The following CSMD1 variants were observed in gnomAD, a reference collection of about 807,000 sequenced individuals.
The protein encoded by CSMD1 is CUB and Sushi multiple domains 1.
A neutral mutation model predicts 417.5 loss-of-function variants in CSMD1; 213 were observed. That is an observed-to-expected ratio of 0.51 (90% CI 0.46 to 0.57). The LOEUF is 0.57. Ranked by LOEUF, CSMD1 falls within the 20% of genes least tolerant of loss-of-function variation. The pLI is 0.00. For missense variants in CSMD1, 6,923 were observed against 4,529.7 expected (o/e 1.53, Z -15.17); for synonymous variants, 2,862 against 1,736.8 (o/e 1.65, Z -16.11).
intron 7 of CSMD1, among the ~76,000 whole-genome samples, chr8:3,678,817 C>G (rs574748898): frequency 6.6e-6 from 1 of 152,240 alleles, no homozygotes; most frequent in East Asian, 1.9e-4. Flanking sequence ...AAGGGAAGCC[C>G]ATCAGACTAA....
chr8:4,681,328 T>C (rs908448901), intron 1 of CSMD1, among the ~76,000 whole-genome samples: 6 of 152,182 alleles, frequency 3.9e-5, no homozygotes, highest in African/African-American at 1.4e-4. Context: ...CAATATCTGA[T>C]ATAAGTGGTG....
chr8:3,327,307 TA>T (rs1409729927), intron 23 of CSMD1, among the ~76,000 whole-genome samples: 1 of 152,106 alleles, frequency 6.6e-6, no homozygotes, highest in African/African-American at 2.4e-5. Context: ...CACATCTGGC[TA>T]ATTTTTTGTA....
intron 2 of CSMD1, among the ~76,000 whole-genome samples, chr8:4,573,909 T>C (rs374769079): frequency 6.6e-6 from 1 of 152,318 alleles, no homozygotes; most frequent in South Asian, 2.1e-4. Context: ...TCCTGGCAGC[T>C]ATGTTTACAC....
intron 3 of CSMD1, among the ~76,000 whole-genome samples, chr8:4,278,588 G>C (rs1348080209): frequency 6.6e-6 from 1 of 152,128 alleles, no homozygotes; most frequent in Non-Finnish European, 1.5e-5. Flanking sequence ...CCTATTTTTA[G>C]AAAATGATTA....
At chr8:4,583,053 G>C (rs1356919979) in intron 2 of CSMD1, among the ~76,000 whole-genome samples, 5 of 152,214 alleles carry the variant, frequency 3.3e-5, no homozygotes, top group Admixed American at 1.3e-4. Context: ...CCCGGCGTTA[G>C]CTGCCTTCCC....
chr8:3,514,352 G>T (rs553891818), intron 10 of CSMD1, among the ~76,000 whole-genome samples: 32 of 152,168 alleles, frequency 2.1e-4, no homozygotes, highest in Non-Finnish European at 4.0e-4. Context: ...TGGTGATGTT[G>T]TAAGTCTTCA....
intron 3 of CSMD1, among the ~76,000 whole-genome samples, chr8:4,207,976 A>G (rs1800082660): frequency 6.6e-6 from 1 of 152,164 alleles, no homozygotes; most frequent in South Asian, 2.1e-4. Flanking sequence ...TCATTATAGC[A>G]TGAAATAGTT....
At chr8:4,754,443 A>T (rs1376037764) in intron 1 of CSMD1, among the ~76,000 whole-genome samples, 3 of 152,174 alleles carry the variant, frequency 2.0e-5, no homozygotes, top group African/African-American at 7.2e-5. Context: ...ACTAACTTGT[A>T]TACTTCCCAA....
intron 1 of CSMD1, among the ~76,000 whole-genome samples, chr8:4,897,193 G>C (rs533934332): frequency 6.6e-6 from 1 of 152,004 alleles, no homozygotes; most frequent in East Asian, 1.9e-4. Flanking sequence ...CAATGTCAGG[G>C]GAGGTAGAAT....
intron 3 of CSMD1, among the ~76,000 whole-genome samples, chr8:4,236,991 A>G (rs1802104519): frequency 6.6e-6 from 1 of 152,184 alleles, no homozygotes; most frequent in Non-Finnish European, 1.5e-5. Flanking sequence ...ATTTTCTCAC[A>G]CACACAAGAT....
intron 29 of CSMD1, among the ~76,000 whole-genome samples, chr8:3,218,300 G>A (rs1002615632): frequency 9.2e-5 from 14 of 152,236 alleles, no homozygotes; most frequent in Admixed American, 2.6e-4. Flanking sequence ...GGTGGCTCAC[G>A]CCTGTAATCG....
chr8:3,744,446 G>C (rs371081673), intron 6 of CSMD1, among the ~76,000 whole-genome samples: 2 of 152,098 alleles, frequency 1.3e-5, no homozygotes, highest in South Asian at 2.1e-4. Flanking sequence ...CAGGAAAAAA[G>C]TCTAGGAAAC....
chr8:3,837,517 G>C (rs1324616910), intron 5 of CSMD1, among the ~76,000 whole-genome samples: 3 of 152,114 alleles, frequency 2.0e-5, no homozygotes, highest in South Asian at 2.1e-4. Context: ...TGAGGATGCA[G>C]AGACATTTAA....
At chr8:4,833,724 C>G (rs572257476) in intron 1 of CSMD1, among the ~76,000 whole-genome samples, 1 of 152,216 alleles carries the variant, frequency 6.6e-6, no homozygotes, top group African/African-American at 2.4e-5. Context: ...ACTCTTCAAA[C>G]CTATTTAAAG....
chr8:3,994,067 C>G (rs147000398), intron 5 of CSMD1, among the ~76,000 whole-genome samples: 32 of 152,302 alleles, frequency 2.1e-4, no homozygotes, highest in African/African-American at 5.8e-4. Context: ...CTTGGGAAGG[C>G]ACACTGAGGC....
chr8:4,456,474 C>A (rs1472287544), intron 2 of CSMD1, among the ~76,000 whole-genome samples: 3 of 152,068 alleles, frequency 2.0e-5, no homozygotes, highest in Non-Finnish European at 1.5e-5. Flanking sequence ...CACCAACAGA[C>A]AGGGAATAGT....
intron 8 of CSMD1, among the ~76,000 whole-genome samples, chr8:3,604,029 G>A (rs972069558): frequency 2.6e-5 from 4 of 152,300 alleles, no homozygotes; most frequent in African/African-American, 7.2e-5. Context: ...ACCTGTAAAT[G>A]TAAATGCATT....
intron 3 of CSMD1, among the ~76,000 whole-genome samples, chr8:4,070,087 T>C (rs1246993330): frequency 6.6e-6 from 1 of 152,136 alleles, no homozygotes; most frequent in Non-Finnish European, 1.5e-5. Flanking sequence ...GCTCTTGGAA[T>C]TAAAGAAACA....
At chr8:3,981,296 G>A (rs1165731024) in intron 5 of CSMD1, among the ~76,000 whole-genome samples, 2 of 152,034 alleles carry the variant, frequency 1.3e-5, no homozygotes, top group East Asian at 1.9e-4. Context: ...TAAGCTATGA[G>A]GACACAAAGG....
Sources: allele counts gnomAD v4.1 joint callset (sites outside exome capture counted in the v4.1 genomes callset), GRCh38; gene constraint gnomAD v4.1.1; transcripts MANE v1.5; gene names NCBI Gene and HGNC (gene_info 2026-07-23, HGNC 2026-07-21).